Variants in COL11A1 observed in about 807,000 individuals in gnomAD.
The protein encoded by COL11A1 is collagen type XI alpha 1 chain.
COL11A1 carries 74 observed loss-of-function variants against 265.2 expected under a neutral mutation model. The ratio of observed to expected loss-of-function variants is 0.28; its 90% CI spans 0.23 to 0.34. The LOEUF (loss-of-function observed/expected upper bound fraction) is 0.34. COL11A1 is among the 10% of genes least tolerant of loss of function. The probability of loss-of-function intolerance (pLI) is 1.00; values close to 1 mark genes in which losing one functional copy is unlikely to be tolerated. For missense variants in COL11A1, 2,165 were observed against 2,263.6 expected (o/e 0.96, Z 0.88); for synonymous variants, 816 against 727.6 (o/e 1.12, Z -1.96).
chr1:103,071,279 T>C (rs1671564089), intron 4 of COL11A1, among the ~76,000 whole-genome samples: 1 of 151,962 alleles, frequency 6.6e-6, no homozygotes, highest in South Asian at 2.1e-4. Flanking sequence ...TAATGATGTT[T>C]TGAAAACTTG....
intron 41 of COL11A1, among the ~76,000 whole-genome samples, chr1:102,948,742 A>G (rs974780627): frequency 2.6e-5 from 4 of 151,770 alleles, no homozygotes; most frequent in African/African-American, 4.8e-5. Context: ...TTTTTCATCA[A>G]TGTATTTTTT....
chr1:102,896,260 G>A (rs1652417410), intron 57 of COL11A1, among the ~76,000 whole-genome samples: 1 of 151,700 alleles, frequency 6.6e-6, no homozygotes, highest in Non-Finnish European at 1.5e-5. Context: ...CCAAGTAAGT[G>A]GTAGTGATTG....
chr1:102,952,502 C>T (rs1659988382), intron 41 of COL11A1, among the ~76,000 whole-genome samples: 1 of 152,174 alleles, frequency 6.6e-6, no homozygotes, highest in African/African-American at 2.4e-5. Context: ...GTGGAAGCTG[C>T]ATTAAAATTA....
chr1:103,044,849 T>C (rs1440804943), intron 4 of COL11A1, among the ~76,000 whole-genome samples: 1 of 152,060 alleles, frequency 6.6e-6, no homozygotes, highest in African/African-American at 2.4e-5. Context: ...TAATGTAGTA[T>C]GCCAGAAAGT....
At chr1:103,023,370 C>CTTTCT (rs536422802) in intron 7 of COL11A1, among the ~76,000 whole-genome samples, 1 of 142,960 alleles carries the variant, frequency 7.0e-6, no homozygotes, top group African/African-American at 2.6e-5. Flanking sequence ...TTTTTTCTTT[C>CTTTCT]TTTTTTTTTT....
At position 102,921,523 on chromosome 1, in the gene COL11A1, C is replaced by A; in HGVS notation, c.3703G>T (p.Ala1235Ser). The A allele has an allele frequency of 6.2e-7, 1 of 1,612,508 alleles. No homozygotes were observed. Among genetic ancestry groups the A allele is most frequent in the Non-Finnish European group, 8.5e-7 (1 of 1,178,792 alleles). ...ATATATTTCAGAGTTCTTACATCAG[C>A]TCCATTGGGACCTTGAGGGCCTCTT... Reference protein sequence around the residue: ...GPRGPQGPNGADGPQGPPGSV... With the variant: ...GPRGPQGPNGSDGPQGPPGSV... The change falls in exon 48 of 67, where the codon GCT becomes TCT. Residue 1235 changes from alanine (A) to serine (S), a missense_variant. Coordinates refer to ENST00000370096, the MANE Select transcript of COL11A1 (RefSeq NM_001854.4).
At chr1:103,020,358 C>T (rs1666933744) in intron 9 of COL11A1, among the ~76,000 whole-genome samples, 1 of 139,962 alleles carries the variant, frequency 7.1e-6, no homozygotes, top group Non-Finnish European at 1.5e-5. Flanking sequence ...AGCATTTTTT[C>T]ATGTGTTTTT....
intron 2 of COL11A1, among the ~76,000 whole-genome samples, chr1:103,079,908 C>T (rs1251016942): frequency 6.6e-6 from 1 of 151,834 alleles, no homozygotes; most frequent in Non-Finnish European, 1.5e-5. Flanking sequence ...TTATGTCTGG[C>T]TTGGATTCAA....
intron 41 of COL11A1, among the ~76,000 whole-genome samples, chr1:102,955,832 C>G (rs1308187871): frequency 6.6e-6 from 1 of 152,162 alleles, no homozygotes; most frequent in Non-Finnish European, 1.5e-5. Context: ...CTGCCTTACT[C>G]TCTTGATGTT....
At chr1:103,026,042 T>A in intron 6 of COL11A1, 174 bp downstream of exon 6, 1 of 1,352,058 alleles carries the variant, frequency 7.4e-7, no homozygotes, top group African/African-American at 1.4e-5. Flanking sequence ...TAAGCAAAAG[T>A]GAAATGGACA....
chr1:103,097,532 A>G (rs1160536033), intron 1 of COL11A1, among the ~76,000 whole-genome samples: 1 of 151,930 alleles, frequency 6.6e-6, no homozygotes, highest in Non-Finnish European at 1.5e-5. Context: ...TCTCCTTCAA[A>G]GCATCTAGCA....
chr1:103,012,478 C>T lies in COL11A1; in HGVS notation c.1573-9G>A, dbSNP rs1222550807. 5 of 1,604,438 alleles carry T rather than the reference C, an allele frequency of 3.1e-6. No individual in the cohort carries two copies. The highest frequency in any genetic ancestry group is 4.3e-6 in the Non-Finnish European group (5 of 1,171,828). ...GGGCCTCTCAGAGCAATCTAGAAAA[C>T]AAAATATATCAAATTCAGTAATATT... is the stretch of plus-strand genomic sequence containing the variant. On this transcript the variant is annotated splice_polypyrimidine_tract_variant and intron_variant, in intron 13 of 66. Transcript: ENST00000370096.
intron 64 of COL11A1, among the ~76,000 whole-genome samples, chr1:102,882,272 T>C (rs931768381): frequency 2.0e-5 from 3 of 152,176 alleles, no homozygotes; most frequent in African/African-American, 7.2e-5. Context: ...ATCTTATAGA[T>C]CTGCATTTAT....
At chr1:103,016,372 T>C (rs1447420072) in intron 11 of COL11A1, among the ~76,000 whole-genome samples, 1 of 151,960 alleles carries the variant, frequency 6.6e-6, no homozygotes, top group Non-Finnish European at 1.5e-5. Flanking sequence ...CATACATACA[T>C]GTACATTTAG....
intron 1 of COL11A1, among the ~76,000 whole-genome samples, chr1:103,099,857 T>C (rs1353468876): frequency 6.6e-6 from 1 of 151,790 alleles, no homozygotes; most frequent in Non-Finnish European, 1.5e-5. Flanking sequence ...GCAAATGAAT[T>C]TAAAAAAGAG....
intron 4 of COL11A1, among the ~76,000 whole-genome samples, chr1:103,062,534 A>G (rs956387433): frequency 4.6e-5 from 7 of 151,968 alleles, no homozygotes; most frequent in Admixed American, 4.6e-4. Context: ...TTTGAAAATA[A>G]ATTAGTATCA....
At chr1:103,104,057 A>G (rs139915156) in intron 1 of COL11A1, among the ~76,000 whole-genome samples, 83 of 152,170 alleles carry the variant, frequency 5.5e-4, no homozygotes, top group African/African-American at 1.9e-3. Flanking sequence ...TAGTTTCCTC[A>G]TTTATTGAGA....
At position 103,006,309 on chromosome 1, in the gene COL11A1, G is replaced by C. The variant is rs776268452; in HGVS notation, c.1690C>G (p.Arg564Gly). The C allele has an allele frequency of 1.1e-5, 17 of 1,607,986 alleles. No homozygotes were observed. Among genetic ancestry groups the C allele is most frequent in the Non-Finnish European group, 1.4e-5 (16 of 1,176,912 alleles). ...GGACCAGGGGGACCCTGGACGCCTC[G>C]AGGGCCCTATATCAAGACATCATAA... The part of the protein sequence containing the change: ...ESGDPGPQGP[R>G]GVQGPPGPTG... The change falls in exon 16 of 67, where the codon CGA (arginine) becomes GGA (glycine). Residue 564 changes from arginine (R) to glycine (G), a missense_variant. By Grantham distance (125) the Arg-to-Gly change is moderately radical. Transcript: ENST00000370096.
At chr1:103,062,847 C>G (rs1343540840) in intron 4 of COL11A1, among the ~76,000 whole-genome samples, 1 of 151,494 alleles carries the variant, frequency 6.6e-6, no homozygotes, top group African/African-American at 2.4e-5. Flanking sequence ...GTAAAAAATC[C>G]AAAATAATTG....
Sources: allele counts gnomAD v4.1 joint callset (sites outside exome capture counted in the v4.1 genomes callset), GRCh38; gene constraint gnomAD v4.1.1; transcripts MANE v1.5; gene names NCBI Gene and HGNC (gene_info 2026-07-23, HGNC 2026-07-21).